The following AXIN2 variants were observed in gnomAD, a reference collection of about 807,000 sequenced individuals.
AXIN2 encodes the protein axin-2.
AXIN2 carries 21 observed loss-of-function variants against 74.7 expected under a neutral mutation model. The observed-to-expected ratio is 0.28, with a 90% CI of 0.20 to 0.40. The LOEUF (loss-of-function observed/expected upper bound fraction) is 0.40. Ranked by LOEUF, AXIN2 falls within the 10% of genes least tolerant of loss-of-function variation. The pLI, the probability that AXIN2 is intolerant of heterozygous loss-of-function variation, is 1.00. For synonymous variants in AXIN2, 532 were observed against 454.9 expected (o/e 1.17, Z -2.16); for missense variants, 1,144 against 1,111.1 (o/e 1.03, Z -0.42).
intron 3 of AXIN2, among the ~76,000 whole-genome samples, chr17:65,546,924 C>T (rs183618203): frequency 7.7e-4 from 118 of 152,266 alleles, no homozygotes; most frequent in African/African-American, 2.5e-3. Context: ...AAGAGAAAGC[C>T]GCTACATGAG....
At chr17:65,538,111 C>T (rs184757332) in intron 5 of AXIN2, 92 bp downstream of exon 5, 6 of 1,593,898 alleles carry the variant, frequency 3.8e-6, no homozygotes, top group East Asian at 2.3e-5. Flanking sequence ...CACGCACATG[C>T]GCACACCCTA....
chr17:65,559,957 G>C (rs1357110536), intron 1 of AXIN2: 2 of 152,164 alleles, frequency 1.3e-5, no homozygotes, highest in African/African-American at 4.8e-5. Context: ...CCGTTACCTG[G>C]AAGACGAAGG....
chr17:65,537,982 G>C (rs1292472887), intron 5 of AXIN2, 147 bp from the exon 6 acceptor site: 18 of 1,324,094 alleles, frequency 1.4e-5, no homozygotes, highest in Middle Eastern at 4.3e-4. Context: ...GCACAGGCCC[G>C]CCTACACAAG....
chr17:65,534,046 G>A lies in AXIN2; in HGVS notation c.2271C>T (p.His757=), dbSNP rs772041910. The A allele has an allele frequency of 1.1e-5, 18 of 1,614,114 alleles. No homozygotes were observed. The highest frequency in any genetic ancestry group is 3.3e-4 in the Middle Eastern group (2 of 6,084). The change falls in exon 10 of 11, where the codon CAC becomes CAT. Residue 757 remains histidine (H), a synonymous_variant. Transcript: ENST00000307078. ...CAACCAACTCACTGGCCTGGAGCGC[G>A]TGGACACCTGCCAGTTTCTTTGGCT... ...HKEPKKLAGV[H]ALQASELVVT...
intron 3 of AXIN2, among the ~76,000 whole-genome samples, chr17:65,548,444 C>G (rs1053130508): frequency 6.6e-6 from 1 of 152,232 alleles, no homozygotes; most frequent in South Asian, 2.1e-4. Context: ...GGAACAAACT[C>G]TAAATAAGTG....
Position 65,535,650 on chromosome 17 carries a change from G to A in AXIN2, c.2213C>T (p.Ser738Phe), listed in dbSNP as rs139209450. The A allele has an allele frequency of 4.0e-4, 642 of 1,614,214 alleles. 3 individuals carry two copies. In the East Asian group the frequency reaches 0.013, roughly 34 times the overall value. The change falls in exon 9 of 11, where the codon TCC (serine) becomes TTC (phenylalanine). Residue 738 changes from serine (S) to phenylalanine (F), a missense_variant. By Grantham distance (155) the Ser-to-Phe change is radical. Coordinates refer to ENST00000307078, the MANE Select transcript of AXIN2 (RefSeq NM_004655.4). ...ATVQTGATPF[S>F]NPSLAPEDHK... Reference sequence around the variant, plus strand: ...CTCTTCTGGAGCCAGGCTTGGATTGGAGAAGGGTGTGGCTCCCGTCTGAAC... The same window carrying A: ...CTCTTCTGGAGCCAGGCTTGGATTGAAGAAGGGTGTGGCTCCCGTCTGAAC...
Position 65,536,869 on chromosome 17 carries a change from C to T in AXIN2, c.1907G>A (p.Ser636Asn), listed in dbSNP as rs1567754769. ...SERQSKPKPH[S>N]AQSTKKAYPL... is the part of the protein sequence containing the mutation. ...CGCGGCGGCGGCAAGCGGTGTTTAC[C>T]TATGGGGCTTGGGCTTGCTCTGCCG... The change falls in exon 7 of 11, where the codon AGT (serine) becomes AAT (asparagine). Residue 636 changes from serine (S) to asparagine (N), a missense_variant and splice_region_variant. Ser to Asn is a conservative substitution (Grantham distance 46). Around this residue, in one of 4 missense-constraint regions of AXIN2, gnomAD observed 1,053 missense variants for 973.5 expected, o/e 1.08. Transcript: ENST00000307078. The T allele has an allele frequency of 1.2e-6, 2 of 1,613,128 alleles. No homozygotes were observed. Among genetic ancestry groups the T allele is most frequent in the Non-Finnish European group, 1.7e-6 (2 of 1,179,908 alleles).
At chr17:65,534,627 G>A (rs2043877411) in intron 9 of AXIN2, among the ~76,000 whole-genome samples, 1 of 152,152 alleles carries the variant, frequency 6.6e-6, no homozygotes, top group Non-Finnish European at 1.5e-5. Context: ...TTGTAGAATG[G>A]CTTGAAAAAA....
intron 9 of AXIN2, 99 bp from the exon 10 acceptor site, chr17:65,534,178 T>C (rs1911361436): frequency 2.1e-6 from 3 of 1,433,894 alleles, no homozygotes; most frequent in Admixed American, 1.7e-5. Context: ...TGACAGGGTA[T>C]CCAAACACTA....
At chr17:65,536,764 A>G in intron 7 of AXIN2, 105 bp downstream of exon 7, 1 of 1,518,180 alleles carries the variant, frequency 6.6e-7, no homozygotes, top group South Asian at 1.1e-5. Context: ...AGGAGCAAAT[A>G]GTCACATTTG....
Position 65,537,754 on chromosome 17 carries a change from A to G in AXIN2, c.1282T>C (p.Ser428Pro), listed in dbSNP as rs573134328. The stretch of plus-strand genomic sequence containing the variant: ...TGCGGGTCTTCCTCGTAGCTGCCGG[A>G]GGGCAGTAGGGAGAGGGGGTGCTGC... The part of the protein sequence containing the change: ...PTQHPLSLLP[S>P]GSYEEDPQTI... The change falls in exon 6 of 11, where the codon TCC (serine) becomes CCC (proline). Residue 428 changes from serine (S) to proline (P), a missense_variant. Around this residue, in one of 4 missense-constraint regions of AXIN2, gnomAD observed 1,053 missense variants for 973.5 expected, o/e 1.08. Coordinates refer to ENST00000307078, the MANE Select transcript of AXIN2 (RefSeq NM_004655.4). 3 of 1,578,816 alleles carry G rather than the reference A, an allele frequency of 1.9e-6. No individual in the cohort carries two copies. Among genetic ancestry groups the G allele is most frequent in the Non-Finnish European group, 2.6e-6 (3 of 1,162,034 alleles).
At chr17:65,551,145 C>T (rs1458404061) in intron 2 of AXIN2, among the ~76,000 whole-genome samples, 1 of 152,070 alleles carries the variant, frequency 6.6e-6, no homozygotes, top group Admixed American at 6.5e-5. Flanking sequence ...ACCCAGATGA[C>T]GGATAGAACA....
At chr17:65,543,758 A>C (rs1272085618) in intron 3 of AXIN2, among the ~76,000 whole-genome samples, 1 of 152,164 alleles carries the variant, frequency 6.6e-6, no homozygotes, top group African/African-American at 2.4e-5. Flanking sequence ...CCATTTCCTA[A>C]GCCCCACGCA....
chr17:65,558,724 C>G lies in AXIN2; in HGVS notation c.-104G>C. On this transcript the variant is annotated 5_prime_UTR_variant, in exon 2 of 11. Transcript: ENST00000307078. ...CTCTCTCAAGTCAGCAGGGGCTCATCTGAACCTCCTCTCTGGAAAGAAAAG... is the reference window on the plus strand; with the variant it reads ...CTCTCTCAAGTCAGCAGGGGCTCATGTGAACCTCCTCTCTGGAAAGAAAAG... The G allele has an allele frequency of 1.7e-6, 2 of 1,156,428 alleles. No homozygotes were observed. The highest frequency in any genetic ancestry group is 2.7e-4 in the Middle Eastern group (1 of 3,702). The allele number at this position is 1,156,428 out of a possible 1,614,324, so 71.6% of individuals were successfully genotyped here.
rs1317740172 is a variant in AXIN2, at chr17:65,537,515, G to A, written c.1521C>T (p.Thr507=). The change falls in exon 6 of 11, where the codon ACC becomes ACT. Residue 507 remains threonine (T), a synonymous_variant. Coordinates refer to ENST00000307078, the MANE Select transcript of AXIN2 (RefSeq NM_004655.4). ...CPLLGGKGFV[T]KQTTKHVHHH... ...GGTGGACATGCTTCGTCGTCTGCTT[G>A]GTCACAAAGCCTTTGCCCCCGAGGA... The A allele has an allele frequency of 6.2e-7, 1 of 1,613,754 alleles. No individual in the cohort carries two copies. Among genetic ancestry groups the A allele is most frequent in the Non-Finnish European group, 8.5e-7 (1 of 1,179,964 alleles).
intron 10 of AXIN2, among the ~76,000 whole-genome samples, chr17:65,532,642 C>A (rs1348443356): frequency 6.6e-6 from 1 of 152,226 alleles, no homozygotes; most frequent in Non-Finnish European, 1.5e-5. Context: ...GCTGGTAAAA[C>A]TATACAAGGC....
intron 1 of AXIN2, 98 bp from the exon 2 acceptor site, chr17:65,558,834 G>A (rs891882684): frequency 5.4e-5 from 32 of 596,924 alleles, no homozygotes; most frequent in Non-Finnish European, 8.0e-5. Context: ...AAGTAAACAG[G>A]CTTTTCAACT....
At chr17:65,559,251 G>C (rs1473813575) in intron 1 of AXIN2, among the ~76,000 whole-genome samples, 1 of 151,066 alleles carries the variant, frequency 6.6e-6, no homozygotes, top group Non-Finnish European at 1.5e-5. Context: ...GCCCTTCCCC[G>C]GCATCTGGTT....
At position 65,536,440 on chromosome 17, in the gene AXIN2, G is replaced by A. The variant is rs1341498392; in HGVS notation, c.2021C>T (p.Pro674Leu). ...GTCCTGGGTGAACAGGTGGGCACGG[G>A]GGGTGGTGCGGGGGTGCCCGCTGTT... ...GGNSGHPRTT[P>L]RAHLFTQDPA... is the part of the protein sequence containing the mutation. Residue 674 changes from proline (P) to leucine (L), a missense_variant, in exon 8 of 11, where the codon CCC (proline) becomes CTC (leucine). Physicochemically the swap from Pro to Leu is moderately conservative, Grantham distance 98. Transcript: ENST00000307078. 1.4e-5 allele frequency: 23 copies of A among 1,601,374 alleles called. No individual in the cohort carries two copies. Among genetic ancestry groups the A allele is most frequent in the Admixed American group, 8.4e-5 (5 of 59,462 alleles).
Sources: allele counts gnomAD v4.1 joint callset (sites outside exome capture counted in the v4.1 genomes callset), GRCh38; gene constraint gnomAD v4.1.1; regional missense constraint gnomAD v4.1.1; transcripts MANE v1.5; gene names NCBI Gene and HGNC (gene_info 2026-07-23, HGNC 2026-07-21).